Variants in HYDIN observed in about 807,000 individuals in gnomAD.
The protein encoded by HYDIN is axonemal central pair apparatus protein HYDIN.
HYDIN carries 132 observed loss-of-function variants against 403.9 expected under a neutral mutation model. The ratio of observed to expected loss-of-function variants is 0.33; its 90% CI spans 0.28 to 0.38. The LOEUF (loss-of-function observed/expected upper bound fraction) is 0.38. Ranked by LOEUF, HYDIN falls within the 10% of genes least tolerant of loss-of-function variation. HYDIN has a pLI of 1.00. For synonymous variants in HYDIN, 1,202 were observed against 1,891.7 expected (o/e 0.64, Z 9.46); for missense variants, 2,827 against 5,009.5 (o/e 0.56, Z 13.15).
chr16:71,148,467 A>G (rs1479360603), intron 7 of HYDIN, among the ~76,000 whole-genome samples: 1 of 152,208 alleles, frequency 6.6e-6, no homozygotes, highest in Non-Finnish European at 1.5e-5. Context: ...GTTTGTGTAT[A>G]TACAAAATCC....
chr16:71,135,168 T>C (rs1312074886), intron 8 of HYDIN, among the ~76,000 whole-genome samples: 2 of 151,426 alleles, frequency 1.3e-5, no homozygotes, highest in African/African-American at 4.9e-5. Flanking sequence ...CCTATATTTT[T>C]CCCCTTGTTA....
intron 21 of HYDIN, among the ~76,000 whole-genome samples, chr16:71,024,194 C>A (rs1051972499): frequency 6.6e-6 from 1 of 152,218 alleles, no homozygotes; most frequent in African/African-American, 2.4e-5. Context: ...CAGAACAAAA[C>A]CCAAAGTTCA....
rs576220360 is a variant in HYDIN, at chr16:71,156,826, TG to T, written c.717-4044del. On this transcript the variant is annotated intron_variant, in intron 6 of 85. Coordinates refer to ENST00000393567, the MANE Select transcript of HYDIN (RefSeq NM_001270974.2). The stretch of plus-strand genomic sequence containing the variant: ...TAATACTCTCTATTTCACCTTCCAA[TG>T]TTAATCCTACTTTAATCATCAAAGT... Among the ~76,000 whole-genome samples the T allele has an allele frequency of 1.9e-3, 290 of 152,266 alleles. 6 individuals are homozygous for T. The highest frequency in any genetic ancestry group is 6.6e-3 in the African/African-American group (274 of 41,542).
chr16:71,009,632 T>C (rs1005678018), intron 23 of HYDIN, among the ~76,000 whole-genome samples: 5 of 151,770 alleles, frequency 3.3e-5, no homozygotes, highest in Admixed American at 3.3e-4. Context: ...TGTGATTAAG[T>C]TGAGGATCTA....
intron 18 of HYDIN, among the ~76,000 whole-genome samples, chr16:71,059,765 C>T (rs2082020690): frequency 1.3e-5 from 2 of 152,118 alleles, no homozygotes; most frequent in Non-Finnish European, 2.9e-5. Flanking sequence ...GCACATGTAC[C>T]TCCTGAAACT....
At chr16:71,192,169 T>A (rs1219278552) in intron 1 of HYDIN, among the ~76,000 whole-genome samples, 5 of 152,100 alleles carry the variant, frequency 3.3e-5, no homozygotes, top group Admixed American at 2.6e-4. Context: ...GTCCACACTT[T>A]TGATCATGAC....
intron 23 of HYDIN, among the ~76,000 whole-genome samples, chr16:70,999,092 T>G (rs2079621084): frequency 6.6e-6 from 1 of 152,100 alleles, no homozygotes; most frequent in Admixed American, 6.5e-5. Context: ...TACTCAGAGC[T>G]TAGGAGATGA....
chr16:71,156,516 C>G (rs1377900707), intron 6 of HYDIN, among the ~76,000 whole-genome samples: 62 of 152,162 alleles, frequency 4.1e-4, no homozygotes, highest in African/African-American at 1.3e-3. Context: ...TTCAGTCTAT[C>G]AAAATATTTG....
At chr16:71,067,032 G>C (rs1283356106) in intron 15 of HYDIN, 10 of 647,036 alleles carry the variant, frequency 1.5e-5, no homozygotes, top group Admixed American at 9.5e-5. Context: ...GTTAGAGAGG[G>C]TCTGACCCGT....
intron 18 of HYDIN, among the ~76,000 whole-genome samples, chr16:71,055,006 T>C (rs1424420899): frequency 6.6e-6 from 1 of 152,304 alleles, no homozygotes; most frequent in East Asian, 1.9e-4. Context: ...GTACATACAG[T>C]CATTTTCTGT....
chr16:71,141,761 G>C (rs1364829355), intron 7 of HYDIN, among the ~76,000 whole-genome samples: 2 of 152,162 alleles, frequency 1.3e-5, no homozygotes, highest in South Asian at 4.1e-4. Context: ...TTAGTATCCA[G>C]TAAAGCTCAG....
chr16:71,021,363 C>T (rs939684494), intron 21 of HYDIN, among the ~76,000 whole-genome samples: 3 of 151,232 alleles, frequency 2.0e-5, no homozygotes, highest in East Asian at 1.9e-4. Context: ...ATTACAGGCA[C>T]GTGCCACCAT....
At chr16:71,149,451 A>G (rs553703865) in intron 7 of HYDIN, among the ~76,000 whole-genome samples, 20 of 151,874 alleles carry the variant, frequency 1.3e-4, no homozygotes, top group African/African-American at 3.9e-4. Flanking sequence ...AAATAAAAAC[A>G]TATGTATATC....
chr16:70,860,870 G>C lies in HYDIN; in HGVS notation c.11809C>G (p.Pro3937Ala). The C allele has an allele frequency of 1.5e-6, 1 of 649,118 alleles. No individual in the cohort carries two copies. The highest frequency in any genetic ancestry group is 2.0e-5 in the African/African-American group (1 of 49,818). 40.2% of individuals were successfully genotyped at this position (649,118 alleles called of 1,614,324 possible). Residue 3937 changes from proline to alanine, a missense_variant, in exon 70 of 86, where the codon CCG (proline) becomes GCG (alanine). Transcript: ENST00000393567. ...CTCCGCCCTTTTGCTACCAGGACCGGACCTTGCTCTCCAGGTGGCAGGTTG... is the reference window on the plus strand; with the variant it reads ...CTCCGCCCTTTTGCTACCAGGACCGCACCTTGCTCTCCAGGTGGCAGGTTG... ...IPNLPPGEQGPVLVAKGRSTL... is the reference protein window; with the variant it reads ...IPNLPPGEQGAVLVAKGRSTL...
chr16:70,937,528 G>A (rs2143866351), intron 44 of HYDIN, among the ~76,000 whole-genome samples: 1 of 149,816 alleles, frequency 6.7e-6, no homozygotes, highest in East Asian at 2.0e-4. Context: ...GGTGGTACAT[G>A]CCTGTAATCC....
chr16:71,102,337 T>C (rs1051036199), intron 10 of HYDIN, among the ~76,000 whole-genome samples: 13 of 152,118 alleles, frequency 8.5e-5, no homozygotes, highest in South Asian at 2.1e-4. Context: ...TATTATTTTG[T>C]GTAATTTCAA....
chr16:70,893,767 T>C (rs940168529), intron 55 of HYDIN: 1 of 152,004 alleles, frequency 6.6e-6, no homozygotes, highest in East Asian at 1.9e-4. Flanking sequence ...TCAAGCAATC[T>C]GCCTGCCTTC....
intron 18 of HYDIN, among the ~76,000 whole-genome samples, chr16:71,050,370 C>G (rs544945246): frequency 2.3e-5 from 3 of 129,912 alleles, no homozygotes; most frequent in Non-Finnish European, 5.3e-5. Flanking sequence ...AACTAAGCAT[C>G]GTAAACTACA....
intron 8 of HYDIN, chr16:71,131,926 A>C (rs1174535519): frequency 2.0e-5 from 3 of 152,252 alleles, no homozygotes; most frequent in African/African-American, 7.2e-5. Flanking sequence ...AATACTTAAC[A>C]TCATTTTCAA....
Sources: gnomAD v4.1 joint callset for allele counts (sites outside exome capture counted in the v4.1 genomes callset) on GRCh38, gnomAD v4.1.1 for gene constraint, MANE v1.5 for transcripts, NCBI Gene and HGNC (gene_info 2026-07-23, HGNC 2026-07-21) for gene names.